Variants in MGMT observed in about 807,000 individuals in gnomAD.
The protein encoded by MGMT is methylated-DNA--protein-cysteine methyltransferase.
In MGMT, 14 loss-of-function variants were observed where a neutral mutation model predicts 15.9. That is an observed-to-expected ratio of 0.88 (90% CI 0.58 to 1.37). MGMT has a LOEUF of 1.37. Ranked by LOEUF, MGMT falls within the 40% of genes most tolerant of loss-of-function variation. The pLI, the probability that MGMT is intolerant of heterozygous loss-of-function variation, is 0.00. For synonymous variants in MGMT, 130 were observed against 118.2 expected (o/e 1.10, Z -0.65); for missense variants, 282 against 268.1 (o/e 1.05, Z -0.36).
At position 129,533,029 on chromosome 10, in the gene MGMT, G is replaced by C. The variant is rs1221934016; in HGVS notation, c.-12-3212G>C. On this transcript the variant is annotated intron_variant, in intron 1 of 4. Transcript: ENST00000651593. The surrounding 1 kb of genome is among the most constrained non-coding windows in gnomAD (Gnocchi z 4.5). ...TGGGCTCCTGCCTGGGACTCGAATC[G>C]GGAGCAGGTCCCACGGAGGCAGAGC... Among the ~76,000 whole-genome samples the C allele has an allele frequency of 6.6e-6, 1 of 152,208 alleles. No individual in the cohort carries two copies. The highest frequency in any genetic ancestry group is 6.5e-5 in the Admixed American group (1 of 15,286).
At chr10:129,518,918 T>A (rs1352483590) in intron 1 of MGMT, among the ~76,000 whole-genome samples, 2 of 151,930 alleles carry the variant, frequency 1.3e-5, no homozygotes, top group Non-Finnish European at 2.9e-5. Flanking sequence ...GCCGTTTGTA[T>A]TATAGTAGCT....
intron 2 of MGMT, among the ~76,000 whole-genome samples, chr10:129,695,758 T>A (rs1848023726): frequency 6.6e-6 from 1 of 152,172 alleles, no homozygotes; most frequent in South Asian, 2.1e-4. Context: ...CAGAAACCGC[T>A]GCCTGCCTGG....
At position 129,707,902 on chromosome 10, in the gene MGMT, G is replaced by A; in HGVS notation, c.133G>A (p.Glu45Lys). 1 of 1,611,498 alleles carries A rather than the reference G, an allele frequency of 6.2e-7. No individual in the cohort carries two copies. Among genetic ancestry groups the A allele is most frequent in the Non-Finnish European group, 8.5e-7 (1 of 1,179,958 alleles). The change falls in exon 3 of 5, where the codon GAG (glutamate) becomes AAG (lysine). Residue 45 changes from glutamate (E) to lysine (K), a missense_variant. By Grantham distance (56) the Glu-to-Lys change is moderately conservative. Coordinates refer to ENST00000651593, the MANE Select transcript of MGMT (RefSeq NM_002412.5). ...GKGTSAADAV[E>K]VPAPAAVLGG... The stretch of plus-strand genomic sequence containing the variant: ...CTGTTCTCACTTTTGCAGTGCCGTG[G>A]AGGTCCCAGCCCCCGCTGCGGTTCT...
chr10:129,580,826 T>C (rs1333214368), intron 2 of MGMT, among the ~76,000 whole-genome samples: 3 of 152,190 alleles, frequency 2.0e-5, no homozygotes, highest in Admixed American at 1.3e-4. Flanking sequence ...TGCTTCCGTT[T>C]TGTTGAGGTC....
At position 129,469,390 on chromosome 10, in the gene MGMT, A is replaced by T. The variant is rs571422089; in HGVS notation, c.-13+2094A>T. On this transcript the variant is annotated intron_variant, in intron 1 of 4. Transcript: ENST00000651593. ...TGCTCTTTTCAGTATATTCTCTTTG[A>T]TAGAAAAAAAATGGAGGCAAAACTG... is the stretch of plus-strand genomic sequence containing the variant. Among the ~76,000 whole-genome samples the T allele has an allele frequency of 5.9e-5, 9 of 152,184 alleles. 1 individual carries two copies. The South Asian group carries it at 1.9e-3, about 32-fold the overall frequency.
intron 2 of MGMT, among the ~76,000 whole-genome samples, chr10:129,595,478 G>C (rs1212199848): frequency 6.6e-6 from 1 of 152,144 alleles, no homozygotes; most frequent in Admixed American, 6.5e-5. Context: ...AAAGGTGTCT[G>C]ATCCCCCGTG....
At chr10:129,611,657 G>A (rs938249887) in intron 2 of MGMT, among the ~76,000 whole-genome samples, 1 of 152,196 alleles carries the variant, frequency 6.6e-6, no homozygotes, top group African/African-American at 2.4e-5. Flanking sequence ...ATCCTGTCCT[G>A]CAGGGAACTC....
chr10:129,661,628 G>C (rs184140806), intron 2 of MGMT, among the ~76,000 whole-genome samples: 10 of 152,170 alleles, frequency 6.6e-5, no homozygotes, highest in Admixed American at 5.9e-4. Flanking sequence ...TGTCTAACAA[G>C]TTATACATAT....
At chr10:129,519,575 C>T (rs1404739174) in intron 1 of MGMT, among the ~76,000 whole-genome samples, 1 of 152,226 alleles carries the variant, frequency 6.6e-6, no homozygotes, top group African/African-American at 2.4e-5. Flanking sequence ...CACTTGTCCA[C>T]AGCCACCGGA....
chr10:129,486,566 A>G (rs1428431571), intron 1 of MGMT, among the ~76,000 whole-genome samples: 1 of 152,114 alleles, frequency 6.6e-6, no homozygotes, highest in East Asian at 1.9e-4. Context: ...AGAAATTCAC[A>G]AGTGAATCCC....
intron 1 of MGMT, chr10:129,467,569 T>G: frequency 5.3e-6 from 2 of 376,954 alleles, no homozygotes; most frequent in Non-Finnish European, 7.3e-6. Context: ...GCCTTACCTC[T>G]AGGTGCCAGC....
intron 3 of MGMT, among the ~76,000 whole-genome samples, chr10:129,729,115 C>T (rs1848467395): frequency 6.6e-6 from 1 of 152,026 alleles, no homozygotes; most frequent in African/African-American, 2.4e-5. Context: ...CCAGGGACCC[C>T]AAGGAGTTGG....
At chr10:129,618,174 C>T (rs1245908081) in intron 2 of MGMT, among the ~76,000 whole-genome samples, 1 of 152,106 alleles carries the variant, frequency 6.6e-6, no homozygotes, top group Admixed American at 6.5e-5. Context: ...TCTTTGGTAT[C>T]CCTAGAAAAC....
chr10:129,711,017 C>T (rs867913829), intron 3 of MGMT, among the ~76,000 whole-genome samples: 9 of 152,288 alleles, frequency 5.9e-5, no homozygotes, highest in Middle Eastern at 3.4e-3. Context: ...TGTATTTGAG[C>T]TCATCCTTGA....
At chr10:129,698,335 G>A (rs954892553) in intron 2 of MGMT, among the ~76,000 whole-genome samples, 2 of 151,672 alleles carry the variant, frequency 1.3e-5, no homozygotes, top group African/African-American at 4.8e-5. Context: ...TGATCTCTGT[G>A]TATAGATCGA....
chr10:129,628,532 C>T (rs368837029), intron 2 of MGMT, among the ~76,000 whole-genome samples: 9 of 152,300 alleles, frequency 5.9e-5, no homozygotes, highest in African/African-American at 2.2e-4. Context: ...GCTTTCTGTG[C>T]ATCTCCGTGC....
chr10:129,501,768 A>G (rs1845576880), intron 1 of MGMT, among the ~76,000 whole-genome samples: 1 of 152,192 alleles, frequency 6.6e-6, no homozygotes, highest in Non-Finnish European at 1.5e-5. Flanking sequence ...ATTTGAAACA[A>G]AGCCTGAATT....
At chr10:129,473,474 A>G (rs1845254873) in intron 1 of MGMT, among the ~76,000 whole-genome samples, 1 of 152,014 alleles carries the variant, frequency 6.6e-6, no homozygotes, top group South Asian at 2.1e-4. Context: ...CATATGAGGA[A>G]CCCGGGCCTC....
chr10:129,671,054 C>T (rs1847716666), intron 2 of MGMT, among the ~76,000 whole-genome samples: 1 of 152,166 alleles, frequency 6.6e-6, no homozygotes, highest in African/African-American at 2.4e-5. Flanking sequence ...TCAGCAGCAG[C>T]AAGCTGAAGC....
Sources: gnomAD v4.1 joint callset for allele counts (sites outside exome capture counted in the v4.1 genomes callset) on GRCh38, gnomAD v4.1.1 for gene constraint, Gnocchi (gnomAD v3.1) non-coding constraint, MANE v1.5 for transcripts, NCBI Gene and HGNC (gene_info 2026-07-23, HGNC 2026-07-21) for gene names.